IQCJ: variants seen among roughly 807,000 people sequenced by gnomAD.
IQCJ encodes the protein IQ motif containing J.
In IQCJ, 9 loss-of-function variants were observed where a neutral mutation model predicts 11.0. The ratio of observed to expected loss-of-function variants is 0.82; its 90% CI spans 0.49 to 1.43. The LOEUF (loss-of-function observed/expected upper bound fraction) is 1.43, where lower values mean the gene tolerates loss of function less well. IQCJ is among the 40% of genes most tolerant of loss of function. The pLI is 0.00. For missense variants in IQCJ, 146 were observed against 133.2 expected, an observed-to-expected ratio of 1.10 and a Z score of -0.47; for synonymous variants, 55 against 51.3, an observed-to-expected ratio of 1.07 and a Z score of -0.31.
chr3:159,161,151 GTGTAAAAGTGTTCC>G (rs912121061), intron 1 of IQCJ, among the ~76,000 whole-genome samples: 14 of 152,148 alleles, frequency 9.2e-5, no homozygotes, highest in African/African-American at 3.4e-4. Context: ...CCCACCAACA[GTGTAAAAGTGTTCC>G]TATTTCTCCA....
chr3:159,237,411 C>T (rs145969204), intron 1 of IQCJ, among the ~76,000 whole-genome samples: 1 of 152,146 alleles, frequency 6.6e-6, no homozygotes, highest in African/African-American at 2.4e-5. Flanking sequence ...GAAAAGACTG[C>T]GGGATTGAGA....
intron 1 of IQCJ, among the ~76,000 whole-genome samples, chr3:159,207,513 G>GA (rs571826055): frequency 9.4e-5 from 14 of 148,826 alleles, no homozygotes; most frequent in East Asian, 3.9e-4. Context: ...ATACTGTTTT[G>GA]AAAAAAAAAA....
At chr3:159,220,351 A>G (rs1196798944) in intron 1 of IQCJ, among the ~76,000 whole-genome samples, 3 of 152,122 alleles carry the variant, frequency 2.0e-5, no homozygotes, top group African/African-American at 7.2e-5. Context: ...AAATGAGGTG[A>G]TACAGTGGGG....
intron 1 of IQCJ, among the ~76,000 whole-genome samples, chr3:159,149,055 A>G (rs1721062103): frequency 6.6e-6 from 1 of 152,224 alleles, no homozygotes; most frequent in East Asian, 1.9e-4. Flanking sequence ...TGAGCCCACT[A>G]AATAATTAAA....
chr3:159,173,964 T>C (rs375909643), intron 1 of IQCJ, among the ~76,000 whole-genome samples: 41 of 152,270 alleles, frequency 2.7e-4, no homozygotes, highest in East Asian at 2.1e-3. Flanking sequence ...ATATGTATCT[T>C]AATTCTTTCA....
At chr3:159,186,179 A>G (rs1329466610) in intron 1 of IQCJ, among the ~76,000 whole-genome samples, 3 of 152,158 alleles carry the variant, frequency 2.0e-5, no homozygotes, top group Admixed American at 2.0e-4. Flanking sequence ...ACTTTAGGGT[A>G]TGGGGTGAGT....
At chr3:159,246,712 G>A (rs1441696988) in intron 2 of IQCJ, among the ~76,000 whole-genome samples, 1 of 152,212 alleles carries the variant, frequency 6.6e-6, no homozygotes, top group Non-Finnish European at 1.5e-5. Context: ...CTGGAACCAT[G>A]TGAAACTACT....
chr3:159,119,601 G>C (rs1001805318), intron 1 of IQCJ, among the ~76,000 whole-genome samples: 1 of 152,130 alleles, frequency 6.6e-6, no homozygotes, highest in Non-Finnish European at 1.5e-5. Flanking sequence ...AGAGCACTTT[G>C]GAAAATTAAA....
chr3:159,125,020 G>C (rs2108148885), intron 1 of IQCJ, among the ~76,000 whole-genome samples: 1 of 152,244 alleles, frequency 6.6e-6, no homozygotes, highest in African/African-American at 2.4e-5. Context: ...CACTCCTTTA[G>C]TGTGGGATGC....
At chr3:159,155,175 T>C (rs1222275988) in intron 1 of IQCJ, among the ~76,000 whole-genome samples, 1 of 152,210 alleles carries the variant, frequency 6.6e-6, no homozygotes, top group Non-Finnish European at 1.5e-5. Context: ...TTTATTTATT[T>C]GAGACAGAGT....
chr3:159,260,651 C>G (rs1728151878), intron 3 of IQCJ, among the ~76,000 whole-genome samples: 1 of 152,136 alleles, frequency 6.6e-6, no homozygotes, highest in African/African-American at 2.4e-5. Context: ...TATGGGACTC[C>G]CTTTCCCATT....
intron 1 of IQCJ, among the ~76,000 whole-genome samples, chr3:159,121,075 C>T (rs1033480486): frequency 6.6e-6 from 1 of 152,108 alleles, no homozygotes; most frequent in African/African-American, 2.4e-5. Flanking sequence ...CATAACTATC[C>T]CAAGACAAAT....
chr3:159,220,408 C>T (rs1049729026), intron 1 of IQCJ, among the ~76,000 whole-genome samples: 1 of 151,980 alleles, frequency 6.6e-6, no homozygotes, highest in Non-Finnish European at 1.5e-5. Flanking sequence ...GGAGGAAGCA[C>T]CAGGGAAATG....
chr3:159,179,389 AC>A (rs1343425150), intron 1 of IQCJ, among the ~76,000 whole-genome samples: 2 of 152,078 alleles, frequency 1.3e-5, no homozygotes, highest in Non-Finnish European at 2.9e-5. Context: ...CTTTATATCC[AC>A]CCTGATTCTT....
intron 1 of IQCJ, among the ~76,000 whole-genome samples, chr3:159,089,059 G>A (rs1041472210): frequency 1.3e-5 from 2 of 151,984 alleles, no homozygotes; most frequent in African/African-American, 2.4e-5. Context: ...GGCTGGTACC[G>A]GTTGTTCCTT....
rs1330264771 is a variant in IQCJ, at chr3:159,174,450, C to A, written c.10-71393C>A. 5.9e-5 allele frequency among the ~76,000 whole-genome samples: 9 copies of A among 152,218 alleles called. No individual in the cohort carries two copies. The East Asian group carries it at 1.7e-3, about 29-fold the overall frequency. ...GAGCACAGAGATAAATACAAATATT[C>A]ATCTTTCCATCACTAAAAATAACAG... On this transcript the variant is annotated intron_variant, in intron 1 of 3. Coordinates refer to ENST00000397832, the MANE Select transcript of IQCJ (RefSeq NM_001042706.3).
intron 1 of IQCJ, among the ~76,000 whole-genome samples, chr3:159,190,906 G>A (rs1723649583): frequency 1.3e-5 from 2 of 152,174 alleles, no homozygotes; most frequent in South Asian, 4.1e-4. Flanking sequence ...TATAGTTAGG[G>A]GAACATTAGA....
Position 159,101,231 on chromosome 3 carries a change from G to T in IQCJ, c.9+31790G>T, listed in dbSNP as rs1227439003. On this transcript the variant is annotated intron_variant, in intron 1 of 3. Coordinates refer to ENST00000397832, the MANE Select transcript of IQCJ (RefSeq NM_001042706.3). ...AATGCCTCGCCCTGCTTCGGCTCGC[G>T]CACGGTGCGCACACACACTGGCCTG... 4.5e-3 allele frequency among the ~76,000 whole-genome samples: 661 copies of T among 147,970 alleles called. 1 individual carries two copies. The highest frequency in any genetic ancestry group is 0.016 in the African/African-American group (625 of 39,780).
intron 1 of IQCJ, among the ~76,000 whole-genome samples, chr3:159,168,443 AT>A (rs1352224128): frequency 1.3e-5 from 2 of 152,178 alleles, no homozygotes; most frequent in African/African-American, 4.8e-5. Flanking sequence ...TGTAATATAA[AT>A]TTTTATATTA....
Sources: allele counts gnomAD v4.1 joint callset (sites outside exome capture counted in the v4.1 genomes callset), GRCh38; gene constraint gnomAD v4.1.1; transcripts MANE v1.5; gene names NCBI Gene and HGNC (gene_info 2026-07-23, HGNC 2026-07-21).